Variants in TMEM265 observed in about 807,000 individuals in gnomAD.
TMEM265 encodes the protein transmembrane protein 265.
TMEM265 carries 8 observed loss-of-function variants against 9.5 expected under a neutral mutation model. The ratio of observed to expected loss-of-function variants is 0.84; its 90% CI spans 0.49 to 1.52. The LOEUF (loss-of-function observed/expected upper bound fraction) is 1.52, where lower values mean the gene tolerates loss of function less well. Among genes scored for constraint, TMEM265 ranks in the 40% most tolerant of loss-of-function variants. The pLI is 0.00. For synonymous variants in TMEM265, 53 were observed against 56.9 expected (o/e 0.93, Z 0.31); for missense variants, 152 against 146.2 (o/e 1.04, Z -0.21).
At chr16:30,743,185 G>A (rs1189160202) in intron 2 of TMEM265, among the ~76,000 whole-genome samples, 1 of 151,944 alleles carries the variant, frequency 6.6e-6, no homozygotes, top group African/African-American at 2.4e-5. Context: ...TCAGGAGTTC[G>A]AGACCAGCCT....
chr16:30,742,642 T>G (rs376699665), intron 2 of TMEM265, among the ~76,000 whole-genome samples: 252 of 152,242 alleles, frequency 1.7e-3, no homozygotes, highest in Middle Eastern at 3.4e-3. Context: ...AAACAGCACA[T>G]GTCCGCCGGG....
chr16:30,743,517 G>T (rs1160205362), intron 2 of TMEM265, among the ~76,000 whole-genome samples: 1 of 152,254 alleles, frequency 6.6e-6, no homozygotes, highest in Non-Finnish European at 1.5e-5. Flanking sequence ...ATCTTGGATA[G>T]TTGGAAAGAA....
chr16:30,741,483 A>ATAT (rs2053224711), intron 1 of TMEM265: 2 of 363,426 alleles, frequency 5.5e-6, no homozygotes. Context: ...TTGTTGAAAC[A>ATAT]CTAAATAATA....
chr16:30,743,265 T>TA (rs755473098), intron 2 of TMEM265, among the ~76,000 whole-genome samples: 3 of 151,920 alleles, frequency 2.0e-5, no homozygotes, highest in South Asian at 2.1e-4. Context: ...ACGTACCTGT[T>TA]ATCCCATCTA....
In TMEM265 at chr16:30,741,835, G is replaced by A. The variant is rs776270128; in HGVS notation, c.92G>A (p.Arg31His). ...SPIRCCWLRL[R>H]CLAATSIICG... ...ATCCGCTGCTGCTGGCTCCGCCTCC[G>A]CTGCTTGGCAGCTACTAGCATTATC... Residue 31 changes from arginine (R) to histidine (H), a missense_variant, in exon 2 of 3, where the codon CGC becomes CAC. Transcript: ENST00000615541. The A allele has an allele frequency of 7.8e-6, 12 of 1,533,944 alleles. No individual in the cohort carries two copies. Among genetic ancestry groups the A allele is most frequent in the East Asian group, 2.4e-5 (1 of 40,906 alleles).
chr16:30,743,102 A>G (rs2053235302), intron 2 of TMEM265, among the ~76,000 whole-genome samples: 1 of 151,746 alleles, frequency 6.6e-6, no homozygotes, highest in South Asian at 2.1e-4. Context: ...ATGATAACAA[A>G]GAGGCTGGGC....
chr16:30,742,600 A>AGAGG (rs1376166013), intron 2 of TMEM265, among the ~76,000 whole-genome samples: 1 of 152,188 alleles, frequency 6.6e-6, no homozygotes, highest in Admixed American at 6.5e-5. Context: ...TGGGTTTTTG[A>AGAGG]GAGGGCTTCA....
In TMEM265 at chr16:30,743,878, G is replaced by C; in HGVS notation, c.262G>C (p.Ala88Pro). The change falls in exon 3 of 3, where the codon GCT becomes CCT. Residue 88 changes from alanine to proline, a missense_variant. By Grantham distance (27) the Ala-to-Pro change is conservative. Coordinates refer to ENST00000615541, the MANE Select transcript of TMEM265 (RefSeq NM_001256829.2). The part of the protein sequence containing the change: ...LILASFAVWL[A>P]VLILGPLLLW... ...CCTGGCCAGCTTTGCTGTCTGGCTT[G>C]CTGTCCTCATTCTGGGTCCCCTGCT... 6.5e-7 allele frequency: 1 copy of C among 1,533,986 alleles called. No individual in the cohort carries two copies. Among genetic ancestry groups the C allele is most frequent in the Non-Finnish European group, 8.7e-7 (1 of 1,146,714 alleles).
chr16:30,742,649 C>T (rs547329356), intron 2 of TMEM265, among the ~76,000 whole-genome samples: 1 of 151,850 alleles, frequency 6.6e-6, no homozygotes, highest in African/African-American at 2.4e-5. Context: ...ACATGTCCGC[C>T]GGGCGTGGTG....
chr16:30,741,700 T>C, intron 1 of TMEM265, 41 bp from the exon 2 acceptor site: 4 of 1,510,218 alleles, frequency 2.6e-6, no homozygotes, highest in Non-Finnish European at 3.5e-6. Context: ...GGCCAAGGGC[T>C]CTGTTGTTGG....
At chr16:30,742,920 G>A in intron 2 of TMEM265, among the ~76,000 whole-genome samples, 1 of 75,412 alleles carries the variant, frequency 1.3e-5, no homozygotes, top group South Asian at 5.6e-4. Context: ...GCAAGACTCT[G>A]TCTCAAAAAA....
intron 2 of TMEM265, among the ~76,000 whole-genome samples, chr16:30,743,356 G>A (rs2053236559): frequency 6.6e-6 from 1 of 151,992 alleles, no homozygotes; most frequent in South Asian, 2.1e-4. Flanking sequence ...ACTCCAGCCT[G>A]GGTGACAGGA....
rs1428141452 is a variant in TMEM265 at position 30,741,831 on chromosome 16, C to T, written c.88C>T (p.Leu30Phe). 6.5e-7 allele frequency: 1 copy of T among 1,533,974 alleles called. No individual in the cohort carries two copies. The highest frequency in any genetic ancestry group is 1.2e-5 in the South Asian group (1 of 83,970). Residue 30 changes from leucine (L) to phenylalanine (F), a missense_variant, in exon 2 of 3, where the codon CTC becomes TTC. By Grantham distance (22) the Leu-to-Phe change is conservative. Coordinates refer to ENST00000615541, the MANE Select transcript of TMEM265 (RefSeq NM_001256829.2). ...PSPIRCCWLR[L>F]RCLAATSIIC... ...CCCCATCCGCTGCTGCTGGCTCCGC[C>T]TCCGCTGCTTGGCAGCTACTAGCAT...
chr16:30,743,749 G>T, intron 2 of TMEM265, 33 bp from the exon 3 acceptor site: 2 of 1,495,094 alleles, frequency 1.3e-6, no homozygotes, highest in East Asian at 5.0e-5. Flanking sequence ...GCAGAAGCAG[G>T]GGGAGAACCT....
In TMEM265 at chr16:30,743,775, C is replaced by T. The variant is rs2151303243; in HGVS notation, c.166-7C>T. ...GGGAGAACCTAACCAAGAACCTGCC[C>T]CCACAGGCGGAAGAGCGGCATAAAG... On this transcript the variant is annotated splice_region_variant and splice_polypyrimidine_tract_variant and intron_variant, in intron 2 of 2. Transcript: ENST00000615541. 6.6e-7 allele frequency: 1 copy of T among 1,519,958 alleles called. No individual in the cohort carries two copies. The highest frequency in any genetic ancestry group is 8.8e-7 in the Non-Finnish European group (1 of 1,137,572). The allele number at this position is 1,519,958 out of a possible 1,614,324, so 94.2% of individuals were successfully genotyped here.
chr16:30,742,049 C>A, intron 2 of TMEM265, 141 bp downstream of exon 2: 1 of 941,750 alleles, frequency 1.1e-6, no homozygotes, highest in South Asian at 1.8e-5. Flanking sequence ...GACAGGGTTC[C>A]TTGTCGTCAG....
chr16:30,743,840 CCCGGAA>C lies in TMEM265; in HGVS notation c.225_230del (p.Arg76_Lys77del). On this transcript the variant is annotated inframe_deletion, in exon 3 of 3. Transcript: ENST00000615541. ...GAGGCAGTGCGCTGGGGGGCCCGGG[CCCGGAA>C]ACTCATCCTGGCCAGCTTTGCTGTC... 1 of 1,533,872 alleles carries C rather than the reference CCCGGAA, an allele frequency of 6.5e-7. No individual in the cohort carries two copies. Among genetic ancestry groups the C allele is most frequent in the Non-Finnish European group, 8.7e-7 (1 of 1,146,700 alleles).
At chr16:30,743,085 G>A (rs915186404) in intron 2 of TMEM265, among the ~76,000 whole-genome samples, 4 of 151,790 alleles carry the variant, frequency 2.6e-5, no homozygotes. Context: ...CCTAAAAAGG[G>A]CCCTTAATGA....
At position 30,741,764 on chromosome 16, in the gene TMEM265, A is replaced by C. The variant is rs1596672454; in HGVS notation, c.21A>C (p.Ala7=). The C allele has an allele frequency of 6.5e-7, 1 of 1,533,954 alleles. No individual in the cohort carries two copies. Among genetic ancestry groups the C allele is most frequent in the Non-Finnish European group, 8.7e-7 (1 of 1,146,718 alleles). MEDEEK[A]VEILGNTEAA... ...AGGTGATGGAGGACGAGGAGAAGGCAGTGGAGATCTTGGGCAACACGGAAG... is the reference window on the plus strand; with the variant it reads ...AGGTGATGGAGGACGAGGAGAAGGCCGTGGAGATCTTGGGCAACACGGAAG... The change falls in exon 2 of 3, where the codon GCA becomes GCC. Residue 7 remains alanine (A), a synonymous_variant. Transcript: ENST00000615541.
Sources: gnomAD v4.1 joint callset for allele counts (sites outside exome capture counted in the v4.1 genomes callset) on GRCh38, gnomAD v4.1.1 for gene constraint, MANE v1.5 for transcripts, NCBI Gene and HGNC (gene_info 2026-07-23, HGNC 2026-07-21) for gene names.